ICA1L: variants seen among roughly 807,000 people sequenced by gnomAD.
The protein encoded by ICA1L is islet cell autoantigen 1 like.
ICA1L carries 50 observed loss-of-function variants against 61.3 expected under a neutral mutation model. The observed-to-expected ratio is 0.82, with a 90% CI of 0.65 to 1.03. ICA1L has a LOEUF of 1.03. Ranked by LOEUF, ICA1L falls within the 50% of genes least tolerant of loss-of-function variation. The probability of loss-of-function intolerance (pLI) is 0.00; values close to 1 mark genes in which losing one functional copy is unlikely to be tolerated. For synonymous variants in ICA1L, 161 were observed against 191.3 expected, an observed-to-expected ratio of 0.84 and a Z score of 1.31; for missense variants, 508 against 556.7, an observed-to-expected ratio of 0.91 and a Z score of 0.88.
rs539185450 is a variant in ICA1L, at chr2:202,773,802, A to G, written c.*5731T>C. ...CACCGGTATGGTAATAGGCAAGAGC[A>G]GGCTGTAAAAGCAAAGGCTAGCTGT... On this transcript the variant is annotated 3_prime_UTR_variant, in exon 13 of 13. Coordinates refer to ENST00000358299, the MANE Select transcript of ICA1L (RefSeq NM_001288622.3). 3.6e-6 allele frequency: 5 copies of G among 1,394,804 alleles called. No homozygotes were observed. In the African/African-American group the frequency reaches 5.7e-5, roughly 16 times the overall value. 86.4% of individuals were successfully genotyped at this position (1,394,804 alleles called of 1,614,324 possible).
chr2:202,773,638 C>G lies in ICA1L; in HGVS notation c.*5895G>C. Reference sequence around the variant, plus strand: ...CAAAGCAAAGCCTCTTTCCCACAAACTAAATTCCATCCATTTGAGCTTTCA... The same window carrying G: ...CAAAGCAAAGCCTCTTTCCCACAAAGTAAATTCCATCCATTTGAGCTTTCA... On this transcript the variant is annotated 3_prime_UTR_variant, in exon 13 of 13. Coordinates refer to ENST00000358299, the MANE Select transcript of ICA1L (RefSeq NM_001288622.3). 1.5e-6 allele frequency: 1 copy of G among 683,004 alleles called. No individual in the cohort carries two copies. The highest frequency in any genetic ancestry group is 1.9e-5 in the South Asian group (1 of 53,060). 42.3% of individuals were successfully genotyped at this position (683,004 alleles called of 1,614,324 possible).
Position 202,807,627 on chromosome 2 carries a change from ACCAG to A in ICA1L, c.910+4115_910+4118del, listed in dbSNP as rs1209132149. Among the ~76,000 whole-genome samples, 4 of 152,058 alleles carry A rather than the reference ACCAG, an allele frequency of 2.6e-5. No individual in the cohort carries two copies. In the East Asian group the frequency reaches 7.7e-4, roughly 29 times the overall value. ...TAGGGTACATGTGACCTAGTGAGAT[ACCAG>A]CCAGCCAGCCAGCCAAGGAAGTGCT... On this transcript the variant is annotated intron_variant, in intron 9 of 12. Transcript: ENST00000358299.
At position 202,785,972 on chromosome 2, in the gene ICA1L, A is replaced by T. The variant is rs771265186; in HGVS notation, c.1279T>A (p.Ser427Thr). The change falls in exon 12 of 13, where the codon TCA becomes ACA. Residue 427 changes from serine to threonine, a missense_variant. Physicochemically the swap from Ser to Thr is moderately conservative, Grantham distance 58. Coordinates refer to ENST00000358299, the MANE Select transcript of ICA1L (RefSeq NM_001288622.3). ...VSQEESELCL[S>T]HTDNQPVPSQ... ...GGCACTGGCTGGTTATCAGTGTGTGAAAGACAAAGTTCTGATTCCTCTTGG... is the reference window on the plus strand; with the variant it reads ...GGCACTGGCTGGTTATCAGTGTGTGTAAGACAAAGTTCTGATTCCTCTTGG... 6.2e-7 allele frequency: 1 copy of T among 1,610,408 alleles called. No individual in the cohort carries two copies. Among genetic ancestry groups the T allele is most frequent in the Non-Finnish European group, 8.5e-7 (1 of 1,177,228 alleles).
At chr2:202,862,410 A>G (rs2105890319) in intron 1 of ICA1L, among the ~76,000 whole-genome samples, 1 of 151,726 alleles carries the variant, frequency 6.6e-6, no homozygotes. Context: ...GTGAGCAATG[A>G]TCATGCCACC....
intron 9 of ICA1L, among the ~76,000 whole-genome samples, chr2:202,809,431 C>A (rs1693314159): frequency 6.6e-6 from 1 of 152,018 alleles, no homozygotes; most frequent in South Asian, 2.1e-4. Context: ...GGTGGATCAC[C>A]TGAGGTCAGG....
rs80134434 is a variant in ICA1L, at chr2:202,847,695, T to TTA, written c.-7-18681_-7-18680dup. Among the ~76,000 whole-genome samples, 366 of 102,238 alleles carry TTA rather than the reference T, an allele frequency of 3.6e-3. 35 individuals are homozygous for TTA. Among genetic ancestry groups the TTA allele is most frequent in the African/African-American group, 0.014 (335 of 23,304 alleles). The allele number at this position is 102,238 out of a possible 152,430, so 67.1% of individuals were successfully genotyped here. A position where few individuals can be genotyped will look rare whatever the true frequency, so the allele number is the denominator to read the frequency against. On this transcript the variant is annotated intron_variant, in intron 1 of 12. Transcript: ENST00000358299. Reference sequence around the variant, plus strand: ...CTTAGAATGAAATATTATATGGGAATTATATATATATATAGTTAAGCAGTG... The same window carrying TTA: ...CTTAGAATGAAATATTATATGGGAATTATATATATATATATAGTTAAGCAGTG...
In ICA1L at chr2:202,789,019, T is replaced by G; in HGVS notation, c.1054A>C (p.Asn352His). 1 of 1,613,238 alleles carries G rather than the reference T, an allele frequency of 6.2e-7. No homozygotes were observed. Reference protein sequence around the residue: ...DFEKEFSFLNNLLSSGSSSTS... With the variant: ...DFEKEFSFLNHLLSSGSSSTS... Reference sequence around the variant, plus strand: ...CTTGAAGAACCAGAACTTAGGAGGTTGTTCAGAAATGAGAATTCCTTCTCA... The same window carrying G: ...CTTGAAGAACCAGAACTTAGGAGGTGGTTCAGAAATGAGAATTCCTTCTCA... Residue 352 changes from asparagine (N) to histidine (H), a missense_variant, in exon 11 of 13, where the codon AAC becomes CAC. Transcript: ENST00000358299.
intron 9 of ICA1L, among the ~76,000 whole-genome samples, chr2:202,810,284 C>T (rs1001956305): frequency 6.6e-5 from 10 of 152,134 alleles, no homozygotes; most frequent in African/African-American, 1.7e-4. Flanking sequence ...TCAGGGACCC[C>T]GAACAGAGGG....
rs61240847 is a variant in ICA1L at position 202,861,401 on chromosome 2, C to CAAAAAAAAA, written c.-8+10209_-8+10217dup. On this transcript the variant is annotated intron_variant, in intron 1 of 12. Transcript: ENST00000358299. ...GCCTGGGTACACGGCGAGACTATCTCAAAAAAAAAAAAAAAAAAAAAAAAA... is the reference window on the plus strand; with the variant it reads ...GCCTGGGTACACGGCGAGACTATCTCAAAAAAAAAAAAAAAAAAAAAAAAAAAAAAAAAA... 1.9e-3 allele frequency among the ~76,000 whole-genome samples: 41 copies of CAAAAAAAAA among 21,738 alleles called. 6 individuals are homozygous for CAAAAAAAAA. Among genetic ancestry groups the CAAAAAAAAA allele is most frequent in the South Asian group, 4.6e-3 (1 of 216 alleles). The allele number at this position is 21,738 out of a possible 152,430, so 14.3% of individuals were successfully genotyped here.
rs1692141717 is a variant in ICA1L, at chr2:202,774,205, C to A, written c.*5328G>T. 9.0e-6 allele frequency: 14 copies of A among 1,550,744 alleles called. No homozygotes were observed. The South Asian group carries it at 1.5e-4, about 17-fold the overall frequency. Reference sequence around the variant, plus strand: ...GCGGGCACACCAGGAACTCCAGCAGCGCCGGATCGAAGGCGCGGGGCGGCT... The same window carrying A: ...GCGGGCACACCAGGAACTCCAGCAGAGCCGGATCGAAGGCGCGGGGCGGCT... On this transcript the variant is annotated 3_prime_UTR_variant, in exon 13 of 13. Transcript: ENST00000358299.
chr2:202,789,315 T>C (rs1692678665), intron 10 of ICA1L, among the ~76,000 whole-genome samples: 1 of 152,154 alleles, frequency 6.6e-6, no homozygotes, highest in African/African-American at 2.4e-5. Flanking sequence ...GAATGCTATA[T>C]ATGAAATAAT....
rs192788023 is a variant in ICA1L at position 202,866,387 on chromosome 2, A to G, written c.-8+5232T>C. 9.8e-3 allele frequency among the ~76,000 whole-genome samples: 1,495 copies of G among 152,290 alleles called. 11 individuals are homozygous for G. The highest frequency in any genetic ancestry group is 0.017 in the Non-Finnish European group (1,160 of 68,012). ...CCTCATCAGATGCAGATGCTGCACCATGCTTCTTGTACAGCCTGCAGAACT... is the reference window on the plus strand; with the variant it reads ...CCTCATCAGATGCAGATGCTGCACCGTGCTTCTTGTACAGCCTGCAGAACT... On this transcript the variant is annotated intron_variant, in intron 1 of 12. Coordinates refer to ENST00000358299, the MANE Select transcript of ICA1L (RefSeq NM_001288622.3).
intron 10 of ICA1L, among the ~76,000 whole-genome samples, chr2:202,793,494 TAAAAAAAAA>T (rs755015399): frequency 1.3e-4 from 4 of 31,350 alleles, no homozygotes; most frequent in Non-Finnish European, 2.0e-4. Context: ...CCGTCTCTAC[TAAAAAAAAA>T]AAAAAAAAAA....
chr2:202,835,215 C>CTTTTT (rs544503963), intron 1 of ICA1L, among the ~76,000 whole-genome samples: 10 of 120,656 alleles, frequency 8.3e-5, no homozygotes, highest in Admixed American at 1.8e-4. Flanking sequence ...TGATTTCTTC[C>CTTTTT]TTTTTTTTTT....
chr2:202,833,367 G>A (rs557715957), intron 1 of ICA1L, among the ~76,000 whole-genome samples: 36 of 152,090 alleles, frequency 2.4e-4, no homozygotes, highest in Admixed American at 2.1e-3. Context: ...GATCACTGGC[G>A]CCCAGGAGCT....
chr2:202,812,333 C>T (rs1026996715), intron 8 of ICA1L, among the ~76,000 whole-genome samples: 1 of 152,198 alleles, frequency 6.6e-6, no homozygotes, highest in African/African-American at 2.4e-5. Flanking sequence ...AATCCCAGCA[C>T]TTTCGGAGGC....
At chr2:202,833,726 A>G (rs1184740632) in intron 1 of ICA1L, among the ~76,000 whole-genome samples, 1 of 152,262 alleles carries the variant, frequency 6.6e-6, no homozygotes, top group East Asian at 1.9e-4. Context: ...TCACAGCTGA[A>G]CATATTAAAA....
intron 8 of ICA1L, among the ~76,000 whole-genome samples, chr2:202,812,698 G>T (rs1693414213): frequency 2.0e-5 from 3 of 151,980 alleles, no homozygotes; most frequent in Admixed American, 6.6e-5. Flanking sequence ...AATCTATACA[G>T]TATTTACTTG....
chr2:202,796,956 C>A lies in ICA1L; in HGVS notation c.919G>T (p.Asp307Tyr), dbSNP rs199545828. The change falls in exon 10 of 13, where the codon GAT becomes TAT. Residue 307 changes from aspartate to tyrosine, a missense_variant. By Grantham distance (160) the Asp-to-Tyr change is radical. Transcript: ENST00000358299. ...ASFESEQANKDHNEKHSQMRE... is the reference protein window; with the variant it reads ...ASFESEQANKYHNEKHSQMRE... ...ATTTGAGAATGTTTTTCATTGTGAT[C>A]TTTGTTTGCTAAATCAAAAGCACAT... is the stretch of plus-strand genomic sequence containing the variant. The A allele has an allele frequency of 2.8e-5, 44 of 1,591,842 alleles. No individual in the cohort carries two copies. Among genetic ancestry groups the A allele is most frequent in the Non-Finnish European group, 3.5e-5 (41 of 1,171,990 alleles).
Sources: gnomAD v4.1 joint callset for allele counts (sites outside exome capture counted in the v4.1 genomes callset) on GRCh38, gnomAD v4.1.1 for gene constraint, MANE v1.5 for transcripts, NCBI Gene and HGNC (gene_info 2026-07-23, HGNC 2026-07-21) for gene names.